Variants in KIF27 observed in about 807,000 individuals in gnomAD.
KIF27 encodes kinesin family member 27.
Under a neutral mutation model 141.8 loss-of-function variants are expected in KIF27, and 84 were observed. The ratio of observed to expected loss-of-function variants is 0.59; its 90% CI spans 0.50 to 0.71. KIF27 has a LOEUF of 0.71. Among genes scored for constraint, KIF27 ranks in the 30% least tolerant of loss-of-function variants. The probability of loss-of-function intolerance (pLI) is 0.00; values close to 1 mark genes in which losing one functional copy is unlikely to be tolerated. For missense variants in KIF27, 1,306 were observed against 1,628.4 expected, an observed-to-expected ratio of 0.80 and a Z score of 3.41; for synonymous variants, 471 against 569.5, an observed-to-expected ratio of 0.83 and a Z score of 2.46.
chr9:83,900,519 T>C (rs1443181522), intron 4 of KIF27, among the ~76,000 whole-genome samples: 1 of 138,196 alleles, frequency 7.2e-6, no homozygotes, highest in East Asian at 2.1e-4. Context: ...AACAACAGTG[T>C]GGAGATTCCT....
In KIF27 at chr9:83,849,218, A is replaced by T. The variant is rs142850473; in HGVS notation, c.3556+881T>A. On this transcript the variant is annotated intron_variant, in intron 16 of 17. Coordinates refer to ENST00000297814, the MANE Select transcript of KIF27 (RefSeq NM_017576.4). Reference sequence around the variant, plus strand: ...TCAGTTTCAGAACTAAACTAAGGTAAGGAGAGCATGTTTGAATGTAATGAT... The same window carrying T: ...TCAGTTTCAGAACTAAACTAAGGTATGGAGAGCATGTTTGAATGTAATGAT... Among the ~76,000 whole-genome samples the T allele has an allele frequency of 1.7e-3, 259 of 152,328 alleles. 1 individual carries two copies. The highest frequency in any genetic ancestry group is 5.8e-3 in the African/African-American group (241 of 41,572).
intron 1 of KIF27, among the ~76,000 whole-genome samples, chr9:83,918,943 G>T (rs1160872785): frequency 6.6e-6 from 1 of 152,102 alleles, no homozygotes; most frequent in East Asian, 1.9e-4. Flanking sequence ...GGGCATGGTG[G>T]TGGGCGCCTA....
intron 14 of KIF27, chr9:83,858,557 C>T (rs936889863): frequency 2.7e-4 from 41 of 152,270 alleles, no homozygotes; most frequent in Middle Eastern, 6.8e-3. Flanking sequence ...GGCAATTTGA[C>T]AGCCCATAAA....
intron 1 of KIF27, among the ~76,000 whole-genome samples, chr9:83,921,025 G>A (rs943738411): frequency 1.3e-5 from 2 of 152,164 alleles, no homozygotes; most frequent in African/African-American, 2.4e-5. Flanking sequence ...CACAGGGTGC[G>A]CTCTGAAAGG....
At chr9:83,867,032 C>T (rs914313522) in intron 13 of KIF27, among the ~76,000 whole-genome samples, 2 of 149,666 alleles carry the variant, frequency 1.3e-5, no homozygotes, top group African/African-American at 4.9e-5. Flanking sequence ...TAGGTAACCA[C>T]TATTCTAGTT....
intron 1 of KIF27, among the ~76,000 whole-genome samples, chr9:83,918,592 G>A (rs145646156): frequency 1.2e-3 from 183 of 152,238 alleles, no homozygotes; most frequent in African/African-American, 4.1e-3. Context: ...AATGAATAAT[G>A]AGCACATGAA....
intron 2 of KIF27, among the ~76,000 whole-genome samples, chr9:83,908,940 C>A (rs572529225): frequency 6.6e-6 from 1 of 152,016 alleles, no homozygotes; most frequent in Non-Finnish European, 1.5e-5. Flanking sequence ...TTTTAAACCA[C>A]AACTATAAAA....
At chr9:83,895,711 C>T (rs931001462) in intron 5 of KIF27, among the ~76,000 whole-genome samples, 2 of 151,784 alleles carry the variant, frequency 1.3e-5, no homozygotes, top group African/African-American at 4.8e-5. Flanking sequence ...TTGCAGATGA[C>T]ATAATTATAA....
Position 83,915,497 on chromosome 9 carries a change from G to T in KIF27, c.95C>A (p.Pro32Gln). 6.2e-7 allele frequency: 1 copy of T among 1,613,800 alleles called. No homozygotes were observed. The part of the protein sequence containing the change: ...HNHQVCVRVI[P>Q]NSQQVIIGRD... ...CCCAATGATAACTTGCTGGCTGTTTGGAATAACTCTCACACAAACTTGATG... is the reference window on the plus strand; with the variant it reads ...CCCAATGATAACTTGCTGGCTGTTTTGAATAACTCTCACACAAACTTGATG... Residue 32 changes from proline (P) to glutamine (Q), a missense_variant, in exon 2 of 18, where the codon CCA becomes CAA. Pro to Gln is a moderately conservative substitution (Grantham distance 76). Transcript: ENST00000297814.
chr9:83,877,423 C>T (rs942030692), intron 11 of KIF27, among the ~76,000 whole-genome samples: 6 of 152,154 alleles, frequency 3.9e-5, no homozygotes, highest in African/African-American at 4.8e-5. Flanking sequence ...AGAACAGTCT[C>T]TTCAACAGAT....
chr9:83,879,193 G>A (rs1441718108), intron 11 of KIF27, among the ~76,000 whole-genome samples: 7 of 141,030 alleles, frequency 5.0e-5, no homozygotes, highest in African/African-American at 2.6e-5. Context: ...AAAAAAAAAA[G>A]GAAAAAAAGT....
intron 12 of KIF27, chr9:83,868,207 C>T (rs1017791485): frequency 2.4e-5 from 4 of 165,836 alleles, no homozygotes; most frequent in Non-Finnish European, 5.2e-5. Flanking sequence ...ACAGCACTTA[C>T]ACTGGTGGCT....
chr9:83,838,721 C>G (rs1946211308), intron 17 of KIF27: 1 of 152,144 alleles, frequency 6.6e-6, no homozygotes, highest in Non-Finnish European at 1.5e-5. Context: ...TAAGAGTTAA[C>G]AGTTTCTGAA....
chr9:83,871,416 G>T (rs982222349), intron 11 of KIF27, among the ~76,000 whole-genome samples: 2 of 152,072 alleles, frequency 1.3e-5, no homozygotes, highest in Admixed American at 6.5e-5. Context: ...TTCATTCTTC[G>T]TGAGTGTTAC....
chr9:83,917,730 G>A (rs541894276), intron 1 of KIF27, among the ~76,000 whole-genome samples: 1 of 152,228 alleles, frequency 6.6e-6, no homozygotes, highest in Non-Finnish European at 1.5e-5. Flanking sequence ...TTCAACAAAT[G>A]GCACTGGGAC....
chr9:83,872,215 C>T (rs2132071005), intron 11 of KIF27, among the ~76,000 whole-genome samples: 1 of 152,158 alleles, frequency 6.6e-6, no homozygotes, highest in Admixed American at 6.5e-5. Flanking sequence ...ACTCAGGAGG[C>T]TGAGGCACGA....
intron 14 of KIF27, among the ~76,000 whole-genome samples, chr9:83,857,846 G>C (rs1305220750): frequency 6.6e-6 from 1 of 152,074 alleles, no homozygotes; most frequent in African/African-American, 2.4e-5. Context: ...AAGAGGTATA[G>C]CTGTAATACA....
intron 14 of KIF27, among the ~76,000 whole-genome samples, chr9:83,854,238 A>G (rs897247617): frequency 1.3e-5 from 2 of 152,212 alleles, no homozygotes; most frequent in African/African-American, 4.8e-5. Flanking sequence ...CATAACCCCT[A>G]AAGTGCATAT....
intron 5 of KIF27, among the ~76,000 whole-genome samples, chr9:83,893,852 T>C (rs1228486256): frequency 6.6e-6 from 1 of 152,046 alleles, no homozygotes; most frequent in Non-Finnish European, 1.5e-5. Flanking sequence ...AAGAGACTAA[T>C]GAATTGGTAA....
Sources: allele counts gnomAD v4.1 joint callset (sites outside exome capture counted in the v4.1 genomes callset), GRCh38; gene constraint gnomAD v4.1.1; transcripts MANE v1.5; gene names NCBI Gene and HGNC (gene_info 2026-07-23, HGNC 2026-07-21).